TAFA4: variants seen among roughly 807,000 people sequenced by gnomAD.
TAFA4 encodes chemokine-like protein TAFA-4.
Under a neutral mutation model 21.1 loss-of-function variants are expected in TAFA4, and 20 were observed. The observed-to-expected ratio is 0.95, with a 90% CI of 0.67 to 1.38. TAFA4 has a LOEUF of 1.38. Ranked by LOEUF, TAFA4 falls within the 40% of genes most tolerant of loss-of-function variation. TAFA4 has a pLI of 0.00. For synonymous variants in TAFA4, 71 were observed against 67.4 expected (o/e 1.05, Z -0.26); for missense variants, 211 against 180.9 (o/e 1.17, Z -0.95).
At chr3:68,915,109 T>C (rs7642932) in intron 1 of TAFA4, among the ~76,000 whole-genome samples, 38,939 of 151,926 alleles carry the variant, frequency 0.26, 5,324 homozygotes, top group African/African-American at 0.36. Flanking sequence ...TCATTGTCAG[T>C]GATGCGGTCC....
intron 2 of TAFA4, among the ~76,000 whole-genome samples, chr3:68,882,251 C>A (rs1380120921): frequency 6.6e-6 from 1 of 151,938 alleles, no homozygotes; most frequent in African/African-American, 2.4e-5. Flanking sequence ...CCTTTTGGGG[C>A]CACTAATTAT....
chr3:68,905,773 G>C (rs183355730), intron 1 of TAFA4, among the ~76,000 whole-genome samples: 1 of 152,164 alleles, frequency 6.6e-6, no homozygotes, highest in African/African-American at 2.4e-5. Context: ...TTATAATCAG[G>C]AGTTCTCATT....
At chr3:68,851,601 A>G (rs1704952108) in intron 3 of TAFA4, among the ~76,000 whole-genome samples, 1 of 152,214 alleles carries the variant, frequency 6.6e-6, no homozygotes, top group Admixed American at 6.5e-5. Context: ...TAAGGAAAAT[A>G]AAGTTTTTAA....
chr3:68,802,802 A>G (rs747686932), intron 3 of TAFA4, among the ~76,000 whole-genome samples: 12 of 152,240 alleles, frequency 7.9e-5, no homozygotes, highest in Non-Finnish European at 1.3e-4. Flanking sequence ...TAGCTTCTCC[A>G]TGTAGAATTA....
intron 1 of TAFA4, among the ~76,000 whole-genome samples, chr3:68,886,657 T>C (rs573606856): frequency 3.9e-5 from 6 of 152,320 alleles, no homozygotes; most frequent in African/African-American, 1.4e-4. Flanking sequence ...TAATAGTTCA[T>C]ATGCAAGACA....
At chr3:68,804,355 G>A (rs1038495138) in intron 3 of TAFA4, among the ~76,000 whole-genome samples, 6 of 152,170 alleles carry the variant, frequency 3.9e-5, no homozygotes, top group South Asian at 4.2e-4. Flanking sequence ...AATCAACATC[G>A]TGAAAATGGT....
chr3:68,853,314 T>C (rs1704993756), intron 3 of TAFA4, among the ~76,000 whole-genome samples: 1 of 152,186 alleles, frequency 6.6e-6, no homozygotes, highest in Non-Finnish European at 1.5e-5. Flanking sequence ...GTTTTGAATA[T>C]GGGAAAGTGT....
chr3:68,743,581 AAAAAAAAAG>A (rs1702398068), intron 4 of TAFA4, among the ~76,000 whole-genome samples: 1 of 144,844 alleles, frequency 6.9e-6, no homozygotes, highest in South Asian at 2.4e-4. Context: ...GTCTCAAAAA[AAAAAAAAAG>A]AAAAAGTTAA....
intron 4 of TAFA4, among the ~76,000 whole-genome samples, chr3:68,743,294 G>T (rs1240473192): frequency 6.6e-6 from 1 of 152,048 alleles, no homozygotes; most frequent in Non-Finnish European, 1.5e-5. Context: ...TTATATTCTT[G>T]GCCAGGCATG....
chr3:68,745,936 A>C (rs182302634), intron 4 of TAFA4, among the ~76,000 whole-genome samples: 56 of 152,306 alleles, frequency 3.7e-4, no homozygotes, highest in Middle Eastern at 3.4e-3. Context: ...GGGTGTTGCC[A>C]AAGGAGATTA....
At chr3:68,901,132 G>C (rs2089840586) in intron 1 of TAFA4, among the ~76,000 whole-genome samples, 1 of 152,040 alleles carries the variant, frequency 6.6e-6, no homozygotes, top group South Asian at 2.1e-4. Context: ...TCCATGCAGG[G>C]GGTACAAAGA....
At chr3:68,923,172 A>G (rs1271527851) in intron 1 of TAFA4, among the ~76,000 whole-genome samples, 1 of 152,194 alleles carries the variant, frequency 6.6e-6, no homozygotes, top group African/African-American at 2.4e-5. Context: ...GTTAATTTCA[A>G]GTATATTTAA....
At chr3:68,814,572 A>G (rs1012818284) in intron 3 of TAFA4, among the ~76,000 whole-genome samples, 14 of 152,330 alleles carry the variant, frequency 9.2e-5, no homozygotes, top group African/African-American at 2.9e-4. Context: ...AATCGCCTCA[A>G]AGAGAATAAA....
rs149366552 is a variant in TAFA4 at position 68,831,303 on chromosome 3, C to T, written c.130+49427G>A. Reference sequence around the variant, plus strand: ...AGTGTCGATGGTCTTTACTATTTGGCATGTTTTTGCAGTGGCTGGTACCGT... The same window carrying T: ...AGTGTCGATGGTCTTTACTATTTGGTATGTTTTTGCAGTGGCTGGTACCGT... On this transcript the variant is annotated intron_variant, in intron 3 of 5. Transcript: ENST00000295569. Among the ~76,000 whole-genome samples the T allele has an allele frequency of 7.8e-3, 1,065 of 136,172 alleles. 11 individuals carry two copies. Among genetic ancestry groups the T allele is most frequent in the East Asian group, 0.048 (192 of 4,038 alleles). The allele number at this position is 136,172 out of a possible 152,430, so 89.3% of individuals were successfully genotyped here.
intron 3 of TAFA4, among the ~76,000 whole-genome samples, chr3:68,872,789 G>A (rs2089498748): frequency 6.6e-6 from 1 of 152,076 alleles, no homozygotes; most frequent in African/African-American, 2.4e-5. Context: ...TTAGGTAGGG[G>A]ATGTTGTAAT....
chr3:68,812,270 C>T (rs569958212), intron 3 of TAFA4, among the ~76,000 whole-genome samples: 13 of 152,104 alleles, frequency 8.5e-5, no homozygotes, highest in South Asian at 2.1e-4. Flanking sequence ...CATCAACTAA[C>T]GAGCAAAATA....
intron 3 of TAFA4, among the ~76,000 whole-genome samples, chr3:68,781,883 TA>T (rs1174435401): frequency 1.3e-5 from 2 of 152,130 alleles, no homozygotes; most frequent in Non-Finnish European, 2.9e-5. Context: ...CAGTAAGAAC[TA>T]AAACCACAAA....
At chr3:68,784,455 G>C (rs1237909046) in intron 3 of TAFA4, among the ~76,000 whole-genome samples, 1 of 152,000 alleles carries the variant, frequency 6.6e-6, no homozygotes, top group Non-Finnish European at 1.5e-5. Flanking sequence ...CAGGGGTAAA[G>C]CTGGCTCAGG....
In TAFA4 at chr3:68,870,697, G is replaced by A. The variant is rs1004628020; in HGVS notation, c.130+10033C>T. ...AGCCAACCGTCTAGGTTTTAAGCCC[G>A]GCATGCATTGGGTATTTGTCCTAAT... On this transcript the variant is annotated intron_variant, in intron 3 of 5. Transcript: ENST00000295569. Among the ~76,000 whole-genome samples, 17 of 152,018 alleles carry A rather than the reference G, an allele frequency of 1.1e-4. No individual in the cohort carries two copies. The East Asian group carries it at 2.1e-3, about 19-fold the overall frequency.
Sources: allele counts gnomAD v4.1 joint callset (sites outside exome capture counted in the v4.1 genomes callset), GRCh38; gene constraint gnomAD v4.1.1; transcripts MANE v1.5; gene names NCBI Gene and HGNC (gene_info 2026-07-23, HGNC 2026-07-21).